The following BABAM2 variants were observed in gnomAD, a reference collection of about 807,000 sequenced individuals.
BABAM2 encodes BRISC and BRCA1-A complex member 2.
In BABAM2, 31 loss-of-function variants were observed where a neutral mutation model predicts 54.7. The ratio of observed to expected loss-of-function variants is 0.57; its 90% confidence interval spans 0.43 to 0.77. The LOEUF (loss-of-function observed/expected upper bound fraction) is 0.77, where lower values mean the gene tolerates loss of function less well. Ranked by LOEUF, BABAM2 falls within the 30% of genes least tolerant of loss-of-function variation. The pLI is 0.00. For synonymous variants in BABAM2, 167 were observed against 162.9 expected (o/e 1.03, Z -0.19); for missense variants, 364 against 455.8 (o/e 0.80, Z 1.83).
At chr2:28,335,711 T>TG (rs1691389386) in intron 11 of BABAM2, among the ~76,000 whole-genome samples, 1 of 152,198 alleles carries the variant, frequency 6.6e-6, no homozygotes, top group Admixed American at 6.5e-5. Flanking sequence ...GATGACCTCC[T>TG]GGGGACCAGG....
At chr2:28,011,110 G>T (rs749401910) in intron 4 of BABAM2, among the ~76,000 whole-genome samples, 5 of 152,150 alleles carry the variant, frequency 3.3e-5, no homozygotes, top group Non-Finnish European at 7.4e-5. Context: ...TGAGAATGGG[G>T]AAGGGAAGTC....
At chr2:28,154,493 C>T (rs1036957345) in intron 7 of BABAM2, among the ~76,000 whole-genome samples, 1 of 152,194 alleles carries the variant, frequency 6.6e-6, no homozygotes. Flanking sequence ...AAAACAGCCA[C>T]ATTTGGTTAC....
intron 6 of BABAM2, among the ~76,000 whole-genome samples, chr2:28,070,966 C>G (rs1344604825): frequency 2.0e-5 from 3 of 152,178 alleles, no homozygotes; most frequent in Admixed American, 1.3e-4. Flanking sequence ...CCACCACTTA[C>G]TGTGTAACCT....
intron 2 of BABAM2, among the ~76,000 whole-genome samples, chr2:27,908,690 A>T (rs1239656773): frequency 6.6e-6 from 1 of 152,096 alleles, no homozygotes; most frequent in African/African-American, 2.4e-5. Context: ...TCCACTTATA[A>T]GTGAGAACAT....
intron 10 of BABAM2, among the ~76,000 whole-genome samples, chr2:28,270,513 A>G (rs368675130): frequency 6.6e-6 from 1 of 152,130 alleles, no homozygotes; most frequent in African/African-American, 2.4e-5. Flanking sequence ...CTATGTGCAC[A>G]CTCTGTGTGG....
intron 11 of BABAM2, among the ~76,000 whole-genome samples, chr2:28,335,416 C>T (rs867032607): frequency 6.6e-5 from 10 of 152,280 alleles, no homozygotes; most frequent in East Asian, 1.9e-4. Context: ...GTGATACACC[C>T]GCCTCGGCCT....
intron 4 of BABAM2, among the ~76,000 whole-genome samples, chr2:28,020,891 C>A (rs115248617): frequency 5.9e-3 from 894 of 151,446 alleles, no homozygotes; most frequent in Non-Finnish European, 8.2e-3. Context: ...TAGCTAGATT[C>A]CCAGAAATAA....
chr2:28,030,099 A>T (rs556074046), intron 5 of BABAM2, among the ~76,000 whole-genome samples: 1 of 150,320 alleles, frequency 6.7e-6, no homozygotes, highest in South Asian at 2.1e-4. Flanking sequence ...CCCCTTTTTT[A>T]ATAATAATAG....
intron 6 of BABAM2, among the ~76,000 whole-genome samples, chr2:28,111,496 T>G (rs571231165): frequency 7.2e-5 from 11 of 152,354 alleles, no homozygotes; most frequent in South Asian, 2.1e-4. Context: ...TTTAAAATTT[T>G]CATGAAGTAC....
At chr2:28,000,343 A>G (rs1001446066) in intron 4 of BABAM2, among the ~76,000 whole-genome samples, 1 of 152,070 alleles carries the variant, frequency 6.6e-6, no homozygotes, top group Non-Finnish European at 1.5e-5. Context: ...GGTATTTTAT[A>G]GAATGTCACT....
chr2:28,048,691 G>A (rs1677785562), intron 6 of BABAM2, among the ~76,000 whole-genome samples: 2 of 152,156 alleles, frequency 1.3e-5, no homozygotes, highest in Non-Finnish European at 2.9e-5. Flanking sequence ...GCTCAGTTGT[G>A]TACCCCTGAA....
intron 7 of BABAM2, among the ~76,000 whole-genome samples, chr2:28,143,202 G>A (rs1671213733): frequency 6.6e-6 from 1 of 151,962 alleles, no homozygotes; most frequent in East Asian, 1.9e-4. Context: ...AGGCAACGTG[G>A]ATGAACCTGG....
intron 6 of BABAM2, among the ~76,000 whole-genome samples, chr2:28,066,895 T>G (rs527935732): frequency 6.6e-6 from 1 of 152,236 alleles, no homozygotes; most frequent in Non-Finnish European, 1.5e-5. Context: ...CTCCACCGTT[T>G]GAAGGTAGGA....
intron 5 of BABAM2, among the ~76,000 whole-genome samples, chr2:28,039,523 T>A (rs1676910267): frequency 6.6e-6 from 1 of 152,242 alleles, no homozygotes; most frequent in African/African-American, 2.4e-5. Context: ...CAGCTAAAGT[T>A]ATAATCACTT....
intron 6 of BABAM2, among the ~76,000 whole-genome samples, chr2:28,061,001 A>G (rs1678814603): frequency 6.6e-6 from 1 of 152,210 alleles, no homozygotes; most frequent in African/African-American, 2.4e-5. Context: ...TTGAAATACC[A>G]AGGACCTAGA....
intron 2 of BABAM2, 50 bp from the exon 3 acceptor site, chr2:27,929,782 G>A: frequency 6.5e-7 from 1 of 1,535,734 alleles, no homozygotes; most frequent in Middle Eastern, 1.8e-4. Flanking sequence ...GGTTTTTAAA[G>A]TTTGTTTTTA....
At chr2:28,190,654 T>A (rs927864023) in intron 7 of BABAM2, among the ~76,000 whole-genome samples, 1 of 152,050 alleles carries the variant, frequency 6.6e-6, no homozygotes, top group African/African-American at 2.4e-5. Context: ...GCCATTGCAC[T>A]CCAGCCTGGG....
chr2:28,242,525 G>A (rs558472705), intron 9 of BABAM2, among the ~76,000 whole-genome samples: 6 of 152,280 alleles, frequency 3.9e-5, no homozygotes, highest in African/African-American at 1.2e-4. Flanking sequence ...CGTTAACGAG[G>A]CACTAAGGAT....
intron 10 of BABAM2, among the ~76,000 whole-genome samples, chr2:28,283,451 A>C (rs935285607): frequency 2.5e-4 from 38 of 152,220 alleles, no homozygotes; most frequent in African/African-American, 8.7e-4. Flanking sequence ...CAAGAGGGTC[A>C]CCACTTCTCT....
Sources: allele counts gnomAD v4.1 joint callset (sites outside exome capture counted in the v4.1 genomes callset), GRCh38; gene constraint gnomAD v4.1.1; transcripts MANE v1.5; gene names NCBI Gene and HGNC (gene_info 2026-07-23, HGNC 2026-07-21).